Variants in C15orf61 observed in about 807,000 individuals in gnomAD.
The protein encoded by C15orf61 is chromosome 15 open reading frame 61, also known as uncharacterized protein C15orf61.
A neutral mutation model predicts 13.7 loss-of-function variants in C15orf61; 12 were observed. The observed-to-expected ratio is 0.88, with a 90% confidence interval of 0.56 to 1.42. The LOEUF (loss-of-function observed/expected upper bound fraction) is 1.42. Among genes scored for constraint, C15orf61 ranks in the 40% most tolerant of loss-of-function variants. The pLI is 0.00. For missense variants in C15orf61, 248 were observed against 213.2 expected (o/e 1.16, Z -1.02); for synonymous variants, 92 against 94.1 (o/e 0.98, Z 0.13).
At position 67,527,787 on chromosome 15, in the gene C15orf61, C is replaced by T. The variant is rs1476021681; in HGVS notation, c.*1242C>T. ...GTTAAAGGTAGTCATTTTAAATGAT[C>T]TACAGAGTGAACTGTTCTTCAAATA... On this transcript the variant is annotated 3_prime_UTR_variant, in exon 2 of 2. Transcript: ENST00000342683. 1 of 152,136 alleles carries T rather than the reference C, an allele frequency of 6.6e-6. No homozygotes were observed. 9.4% of individuals were successfully genotyped at this position (152,136 alleles called of 1,614,324 possible).
intron 1 of C15orf61, chr15:67,521,836 G>A: frequency 1.6e-6 from 1 of 612,800 alleles, no homozygotes; most frequent in Non-Finnish European, 2.9e-6. Context: ...CTAGGGAGGG[G>A]CGGGTCGCCC....
rs2084156759 is a variant in C15orf61, at chr15:67,521,233, C to G, written c.-16C>G. ...GCGGCTGCGGACACCAGCCTGCGTCCCCGGCGCGGCGGGCCATGGAGGCCC... is the reference window on the plus strand; with the variant it reads ...GCGGCTGCGGACACCAGCCTGCGTCGCCGGCGCGGCGGGCCATGGAGGCCC... On this transcript the variant is annotated 5_prime_UTR_variant, in exon 1 of 2. Transcript: ENST00000342683. 8 of 1,220,810 alleles carry G rather than the reference C, an allele frequency of 6.6e-6. No individual in the cohort carries two copies. Among genetic ancestry groups the G allele is most frequent in the Middle Eastern group, 3.1e-4 (1 of 3,204 alleles). The allele number at this position is 1,220,810 out of a possible 1,614,324, so 75.6% of individuals were successfully genotyped here.
intron 1 of C15orf61, among the ~76,000 whole-genome samples, chr15:67,524,808 A>G (rs936025491): frequency 7.9e-5 from 12 of 151,466 alleles, no homozygotes; most frequent in African/African-American, 2.9e-4. Context: ...CAATATGATT[A>G]GTCCAGAGCA....
chr15:67,521,943 A>C, intron 1 of C15orf61: 1 of 685,958 alleles, frequency 1.5e-6, no homozygotes, highest in Admixed American at 2.1e-5. Flanking sequence ...TCTGAAGTTG[A>C]CATCCGTCCT....
At position 67,521,256 on chromosome 15, in the gene C15orf61, C is replaced by A; in HGVS notation, c.8C>A (p.Ala3Asp). Residue 3 changes from alanine (A) to aspartate (D), a missense_variant, in exon 1 of 2, where the codon GCC (alanine) becomes GAC (aspartate). Coordinates refer to ENST00000342683, the MANE Select transcript of C15orf61 (RefSeq NM_001143936.2). The part of the protein sequence containing the change: ME[A>D]LRRAHEVALR... ...TCCCCGGCGCGGCGGGCCATGGAGG[C>A]CCTGAGGAGGGCCCACGAGGTCGCG... The A allele has an allele frequency of 7.3e-7, 1 of 1,369,838 alleles. No homozygotes were observed. Among genetic ancestry groups the A allele is most frequent in the Non-Finnish European group, 9.4e-7 (1 of 1,062,396 alleles). The allele number at this position is 1,369,838 out of a possible 1,614,324, so 84.9% of individuals were successfully genotyped here. A position where few individuals can be genotyped will look rare whatever the true frequency, so the allele number is the denominator to read the frequency against.
intron 1 of C15orf61, chr15:67,521,812 G>C (rs2084166338): frequency 1.6e-6 from 1 of 620,954 alleles, no homozygotes; most frequent in African/African-American, 1.8e-5. Flanking sequence ...CCTGCTGCGG[G>C]CGCGTCCTCG....
chr15:67,521,296 G>GTA lies in C15orf61; in HGVS notation c.49_50insAT (p.Cys17TyrfsTer21). The GTA allele has an allele frequency of 6.6e-7, 1 of 1,514,100 alleles. No homozygotes were observed. The highest frequency in any genetic ancestry group is 2.0e-5 in the Admixed American group (1 of 49,342). 93.8% of individuals were successfully genotyped at this position (1,514,100 alleles called of 1,614,324 possible). A position where few individuals can be genotyped will look rare whatever the true frequency, so the allele number is the denominator to read the frequency against. On this transcript the variant is annotated frameshift_variant, in exon 1 of 2. Transcript: ENST00000342683. LOFTEE classifies it high-confidence loss of function. Reference sequence around the variant, plus strand: ...ACGAGGTCGCGCTCCGCCTGCTGCTGTGTAGGCCGTGGGCCTCGCGCGCCG... The same window carrying GTA: ...ACGAGGTCGCGCTCCGCCTGCTGCTGTATGTAGGCCGTGGGCCTCGCGCGCCG...
intron 1 of C15orf61, among the ~76,000 whole-genome samples, chr15:67,522,422 T>G (rs1042138255): frequency 2.6e-5 from 4 of 152,216 alleles, no homozygotes; most frequent in Admixed American, 2.6e-4. Flanking sequence ...GGATTAAAAC[T>G]AAACCCTGCG....
At chr15:67,524,837 G>GTTTT (rs374398669) in intron 1 of C15orf61, among the ~76,000 whole-genome samples, 27 of 122,764 alleles carry the variant, frequency 2.2e-4, no homozygotes, top group East Asian at 6.9e-4. Context: ...TTTTTTGTTT[G>GTTTT]TTTTTTTTTT....
In C15orf61 at chr15:67,526,553, C is replaced by T. The variant is rs777390551; in HGVS notation, c.*8C>T. 4.5e-5 allele frequency: 68 copies of T among 1,500,596 alleles called. No individual in the cohort carries two copies. The highest frequency in any genetic ancestry group is 5.4e-5 in the South Asian group (4 of 73,534). The allele number at this position is 1,500,596 out of a possible 1,614,324, so 93.0% of individuals were successfully genotyped here. A position where few individuals can be genotyped will look rare whatever the true frequency, so the allele number is the denominator to read the frequency against. The stretch of plus-strand genomic sequence containing the variant: ...GAAGGTGCCATGTATTGAAAGTGTG[C>T]GTCAAAGAACATAAATATCAGTGGA... On this transcript the variant is annotated 3_prime_UTR_variant, in exon 2 of 2. Transcript: ENST00000342683.
rs757142684 is a variant in C15orf61, at chr15:67,521,424, G to T, written c.176G>T (p.Arg59Leu). 16 of 1,545,620 alleles carry T rather than the reference G, an allele frequency of 1.0e-5. No homozygotes were observed. The highest frequency in any genetic ancestry group is 3.5e-6 in the Non-Finnish European group (4 of 1,146,712). Residue 59 changes from arginine to leucine, a missense_variant, in exon 1 of 2, where the codon CGC becomes CTC. By Grantham distance (102) the Arg-to-Leu change is moderately radical (BLOSUM62 -2). Transcript: ENST00000342683. ...TTCTGCGTGCCCTACAGCGCCGTCC[G>T]CAACGACCAGTTCGGCCTCTCGCAC... The part of the protein sequence containing the change: ...TSFCVPYSAV[R>L]NDQFGLSHFN...
rs2084200877 is a variant in C15orf61 at position 67,526,708 on chromosome 15, T to G, written c.*163T>G. 4 of 604,680 alleles carry G rather than the reference T, an allele frequency of 6.6e-6. No homozygotes were observed. Among genetic ancestry groups the G allele is most frequent in the Non-Finnish European group, 1.0e-5 (4 of 381,384 alleles). The allele number at this position is 604,680 out of a possible 1,614,324, so 37.5% of individuals were successfully genotyped here. On this transcript the variant is annotated 3_prime_UTR_variant, in exon 2 of 2. Transcript: ENST00000342683. ...TGCCCTCAAGAGGTGAAGCTTTTTA[T>G]ACATCGTTATATATTACATACTCTG...
intron 1 of C15orf61, among the ~76,000 whole-genome samples, chr15:67,524,814 G>A (rs2084188987): frequency 6.6e-6 from 1 of 150,906 alleles, no homozygotes; most frequent in African/African-American, 2.4e-5. Flanking sequence ...GATTAGTCCA[G>A]AGCATGTGTT....
Position 67,521,211 on chromosome 15 carries a change from G to T in C15orf61, c.-38G>T. ...CCGGGGGCGCGCTTGCGCGCCAGCG[G>T]CTGCGGACACCAGCCTGCGTCCCCG... On this transcript the variant is annotated 5_prime_UTR_variant, in exon 1 of 2. Coordinates refer to ENST00000342683, the MANE Select transcript of C15orf61 (RefSeq NM_001143936.2). The T allele has an allele frequency of 8.4e-7, 1 of 1,183,872 alleles. No homozygotes were observed. The highest frequency in any genetic ancestry group is 4.4e-5 in the Admixed American group (1 of 22,956). The allele number at this position is 1,183,872 out of a possible 1,614,324, so 73.3% of individuals were successfully genotyped here. A position where few individuals can be genotyped will look rare whatever the true frequency, so the allele number is the denominator to read the frequency against.
intron 1 of C15orf61, among the ~76,000 whole-genome samples, chr15:67,524,635 T>C (rs2084188157): frequency 6.6e-6 from 1 of 152,178 alleles, no homozygotes; most frequent in Admixed American, 6.5e-5. Context: ...TTTCCCCTTC[T>C]CATTACCAGC....
intron 1 of C15orf61, among the ~76,000 whole-genome samples, chr15:67,523,751 A>T (rs1190322659): frequency 6.6e-6 from 1 of 152,216 alleles, no homozygotes; most frequent in South Asian, 2.1e-4. Flanking sequence ...ATAGAATCTT[A>T]TAGACTTCAA....
Position 67,527,852 on chromosome 15 carries a change from A to G in C15orf61, c.*1307A>G, listed in dbSNP as rs1461404800. 6.6e-6 allele frequency: 1 copy of G among 152,226 alleles called. No homozygotes were observed. The highest frequency in any genetic ancestry group is 6.5e-5 in the Admixed American group (1 of 15,286). The allele number at this position is 152,226 out of a possible 1,614,324, so 9.4% of individuals were successfully genotyped here. A position where few individuals can be genotyped will look rare whatever the true frequency, so the allele number is the denominator to read the frequency against. On this transcript the variant is annotated 3_prime_UTR_variant, in exon 2 of 2. Coordinates refer to ENST00000342683, the MANE Select transcript of C15orf61 (RefSeq NM_001143936.2). ...TTGTCTAAAAGCAATTCTAAGTAAC[A>G]CTTTAATCAAAGAAGTACTTATGCC...
Position 67,526,664 on chromosome 15 carries a change from C to A in C15orf61, c.*119C>A. On this transcript the variant is annotated 3_prime_UTR_variant, in exon 2 of 2. Coordinates refer to ENST00000342683, the MANE Select transcript of C15orf61 (RefSeq NM_001143936.2). Reference sequence around the variant, plus strand: ...TACTTTTTTCTTTCTACAGTATCTGCTTCTTTAAGATGAATCATTGCCCTC... The same window carrying A: ...TACTTTTTTCTTTCTACAGTATCTGATTCTTTAAGATGAATCATTGCCCTC... 9.7e-7 allele frequency: 1 copy of A among 1,025,660 alleles called. No homozygotes were observed. Among genetic ancestry groups the A allele is most frequent in the Non-Finnish European group, 1.3e-6 (1 of 756,726 alleles). 63.5% of individuals were successfully genotyped at this position (1,025,660 alleles called of 1,614,324 possible). A position where few individuals can be genotyped will look rare whatever the true frequency, so the allele number is the denominator to read the frequency against.
At position 67,525,309 on chromosome 15, in the gene C15orf61, TTAG is replaced by T. The variant is rs139029452; in HGVS notation, c.347-1104_347-1102del. 1.2e-3 allele frequency among the ~76,000 whole-genome samples: 183 copies of T among 152,342 alleles called. 3 individuals are homozygous for T. In the East Asian group the frequency reaches 0.029, roughly 24 times the overall value. ...TTTTATTACATATGTTTTTAATATG[TTAG>T]TAGTCATTAATTTTAAATAAGTACC... is the stretch of plus-strand genomic sequence containing the variant. On this transcript the variant is annotated intron_variant, in intron 1 of 1. Coordinates refer to ENST00000342683, the MANE Select transcript of C15orf61 (RefSeq NM_001143936.2). The surrounding 1 kb of genome is among the most constrained non-coding windows in gnomAD (Gnocchi z 4.9).
Sources: gnomAD v4.1 joint callset for allele counts (sites outside exome capture counted in the v4.1 genomes callset) on GRCh38, gnomAD v4.1.1 for gene constraint, Gnocchi (gnomAD v3.1) non-coding constraint, MANE v1.5 for transcripts, NCBI Gene and HGNC (gene_info 2026-07-23, HGNC 2026-07-21) for gene names.